MGA: variants seen among roughly 807,000 people sequenced by gnomAD.
MGA encodes the protein MAX gene-associated protein.
Under a neutral mutation model 261.1 loss-of-function variants are expected in MGA, and 40 were observed. That is an observed-to-expected ratio of 0.15 (90% confidence interval 0.12 to 0.20). The LOEUF is 0.20. Ranked by LOEUF, MGA falls within the 10% of genes least tolerant of loss-of-function variation. MGA has a pLI of 1.00. For missense variants in MGA, 3,397 were observed against 3,630.5 expected (o/e 0.94, Z 1.65); for synonymous variants, 1,302 against 1,290.6 (o/e 1.01, Z -0.19).
chr15:41,714,058 G>A (rs181115601), intron 9 of MGA, among the ~76,000 whole-genome samples: 25 of 152,058 alleles, frequency 1.6e-4, no homozygotes, highest in East Asian at 9.6e-4. Flanking sequence ...TGATTTTTTC[G>A]TTTCTGTTAT....
chr15:41,671,284 T>C (rs1156351025), intron 2 of MGA, among the ~76,000 whole-genome samples: 1 of 152,184 alleles, frequency 6.6e-6, no homozygotes, highest in Non-Finnish European at 1.5e-5. Context: ...CTATTGTGAA[T>C]GATGCTGTTT....
rs2063951800 is a variant in MGA, at chr15:41,769,554, A to G, written c.*2274A>G. 1 of 152,292 alleles carries G rather than the reference A, an allele frequency of 6.6e-6. No homozygotes were observed. Among genetic ancestry groups the G allele is most frequent in the Non-Finnish European group, 1.5e-5 (1 of 67,980 alleles). The allele number at this position is 152,292 out of a possible 1,614,324, so 9.4% of individuals were successfully genotyped here. A position where few individuals can be genotyped will look rare whatever the true frequency, so the allele number is the denominator to read the frequency against. ...AGAACAATCCTGCAGTCTTGACAGA[A>G]ATCTAAAATCTCCAAAAACTCCTAC... On this transcript the variant is annotated 3_prime_UTR_variant, in exon 24 of 24. Coordinates refer to ENST00000219905, the MANE Select transcript of MGA (RefSeq NM_001164273.2).
At chr15:41,728,499 A>G (rs1026915517) in intron 10 of MGA, among the ~76,000 whole-genome samples, 1 of 152,266 alleles carries the variant, frequency 6.6e-6, no homozygotes, top group Non-Finnish European at 1.5e-5. Flanking sequence ...TTTTTGTTAT[A>G]TGTAGTATAT....
At chr15:41,693,124 G>T (rs569764277) in intron 2 of MGA, among the ~76,000 whole-genome samples, 2 of 152,280 alleles carry the variant, frequency 1.3e-5, no homozygotes, top group South Asian at 4.1e-4. Flanking sequence ...ACAGGCACGA[G>T]CCACCACACC....
intron 15 of MGA, among the ~76,000 whole-genome samples, chr15:41,744,855 T>A (rs775545351): frequency 5.9e-5 from 9 of 152,202 alleles, no homozygotes; most frequent in Non-Finnish European, 1.2e-4. Context: ...ACTGCTTTTT[T>A]ATATGTAAAT....
intron 9 of MGA, among the ~76,000 whole-genome samples, chr15:41,723,839 A>AT (rs1224205854): frequency 6.6e-6 from 1 of 151,872 alleles, no homozygotes; most frequent in Non-Finnish European, 1.5e-5. Context: ...TCCATTTCTC[A>AT]TTTTTTCCCA....
At chr15:41,705,783 G>A (rs2060076239) in intron 5 of MGA, among the ~76,000 whole-genome samples, 2 of 152,182 alleles carry the variant, frequency 1.3e-5, no homozygotes, top group Admixed American at 6.5e-5. Context: ...AAACTAAAGA[G>A]AAGTTTAGCC....
chr15:41,720,995 A>G (rs1386249517), intron 9 of MGA, among the ~76,000 whole-genome samples: 2 of 152,198 alleles, frequency 1.3e-5, no homozygotes, highest in Non-Finnish European at 1.5e-5. Context: ...TTCTCACACC[A>G]TATATGGAAA....
At chr15:41,644,374 G>C (rs1262135325) in intron 1 of MGA, among the ~76,000 whole-genome samples, 3 of 148,090 alleles carry the variant, frequency 2.0e-5, no homozygotes, top group Admixed American at 1.3e-4. Flanking sequence ...AAAAAAAGAA[G>C]GCCGGGTGTG....
intron 12 of MGA, 137 bp downstream of exon 12, chr15:41,734,731 A>T (rs2061681676): frequency 4.6e-6 from 3 of 650,726 alleles, no homozygotes; most frequent in Admixed American, 3.7e-5. Flanking sequence ...AAAAACAGGG[A>T]CAATAAGTAA....
intron 5 of MGA, among the ~76,000 whole-genome samples, chr15:41,704,333 T>TAA (rs534869856): frequency 6.9e-6 from 1 of 144,388 alleles, no homozygotes; most frequent in Non-Finnish European, 1.5e-5. Context: ...TGCCCTGCAG[T>TAA]AAAAAAAAAA....
chr15:41,695,149 G>T (rs2059491463), intron 2 of MGA, among the ~76,000 whole-genome samples: 1 of 151,612 alleles, frequency 6.6e-6, no homozygotes, highest in Admixed American at 6.6e-5. Context: ...GAATTTCTGA[G>T]TCTGAGAATT....
Position 41,727,324 on chromosome 15 carries a change from A to G in MGA, c.3575A>G (p.Glu1192Gly), listed in dbSNP as rs766821186. 1 of 1,613,946 alleles carries G rather than the reference A, an allele frequency of 6.2e-7. No individual in the cohort carries two copies. The highest frequency in any genetic ancestry group is 1.1e-5 in the South Asian group (1 of 91,088). The change falls in exon 10 of 24, where the codon GAA becomes GGA. Residue 1192 changes from glutamate to glycine, a missense_variant. Glu to Gly is a moderately conservative substitution (Grantham distance 98). This residue lies in a region of MGA where 519 missense variants were observed against 554.1 expected (regional missense o/e 0.94). Coordinates refer to ENST00000219905, the MANE Select transcript of MGA (RefSeq NM_001164273.2). The stretch of plus-strand genomic sequence containing the variant: ...AAACCATTGTTATTGCCTCAGCCAG[A>G]AGTTTTATCTCCTACTGTGAAGGGC...
chr15:41,694,612 C>T (rs188337502), intron 2 of MGA, among the ~76,000 whole-genome samples: 2,056 of 151,466 alleles, frequency 0.014, 52 homozygotes, highest in African/African-American at 0.046. Context: ...CTGCAAGCTC[C>T]GCCTCCCAGG....
chr15:41,636,388 G>A (rs1032036594), intron 1 of MGA, among the ~76,000 whole-genome samples: 1 of 151,504 alleles, frequency 6.6e-6, no homozygotes, highest in Admixed American at 6.6e-5. Context: ...CGCCCCCCAG[G>A]TTCAAGCGTT....
At position 41,749,880 on chromosome 15, in the gene MGA, A is replaced by G. The variant is rs2062739106; in HGVS notation, c.6273A>G (p.Glu2091=). The G allele has an allele frequency of 8.7e-6, 14 of 1,613,990 alleles. No homozygotes were observed. Among genetic ancestry groups the G allele is most frequent in the Non-Finnish European group, 1.2e-5 (14 of 1,179,886 alleles). ...TTCTGGAAGTTAGGACCATTTCTGA[A>G]AAAGCCAGTAATAAGACAGTCCAAA... The change falls in exon 17 of 24, where the codon GAA becomes GAG. Residue 2091 remains glutamate (E), a synonymous_variant. Coordinates refer to ENST00000219905, the MANE Select transcript of MGA (RefSeq NM_001164273.2).
At chr15:41,760,161 T>C in intron 19 of MGA, 162 bp from the exon 20 acceptor site, 1 of 633,668 alleles carries the variant, frequency 1.6e-6, no homozygotes, top group Non-Finnish European at 2.8e-6. Flanking sequence ...GAGTTAGATT[T>C]GAAGGAAGGA....
intron 1 of MGA, among the ~76,000 whole-genome samples, chr15:41,664,966 TTTG>T (rs547290390): frequency 1.5e-4 from 23 of 152,338 alleles, no homozygotes; most frequent in Middle Eastern, 3.4e-3. Context: ...GGAGAGATTT[TTTG>T]TTGTTGTTGT....
chr15:41,636,831 G>A (rs1029761668), intron 1 of MGA, among the ~76,000 whole-genome samples: 2 of 152,052 alleles, frequency 1.3e-5, no homozygotes. Flanking sequence ...GATTACAAGC[G>A]TGAGCCACCA....
Sources: allele counts gnomAD v4.1 joint callset (sites outside exome capture counted in the v4.1 genomes callset), GRCh38; gene constraint gnomAD v4.1.1; regional missense constraint gnomAD v4.1.1; transcripts MANE v1.5; gene names NCBI Gene and HGNC (gene_info 2026-07-23, HGNC 2026-07-21).